RAD50: variants seen among roughly 807,000 people sequenced by gnomAD.
RAD50 encodes the protein DNA repair protein RAD50.
RAD50 carries 132 observed loss-of-function variants against 168.8 expected under a neutral mutation model. The observed-to-expected ratio is 0.78, with a 90% confidence interval of 0.68 to 0.90. The LOEUF (loss-of-function observed/expected upper bound fraction) is 0.90. Ranked by LOEUF, RAD50 falls within the 40% of genes least tolerant of loss-of-function variation. The pLI, the probability that RAD50 is intolerant of heterozygous loss-of-function variation, is 0.00. For synonymous variants in RAD50, 525 were observed against 497.4 expected, an observed-to-expected ratio of 1.06 and a Z score of -0.74; for missense variants, 1,347 against 1,534.4, an observed-to-expected ratio of 0.88 and a Z score of 2.04.
chr5:132,564,374 C>G (rs1447724516), intron 2 of RAD50, among the ~76,000 whole-genome samples: 2 of 152,204 alleles, frequency 1.3e-5, no homozygotes, highest in East Asian at 3.8e-4. Flanking sequence ...TCTTGCGATG[C>G]TTTAGCAAAG....
rs760093523 is a variant in RAD50 at position 132,591,259 on chromosome 5, T to C, written c.1488T>C (p.Asn496=). The C allele has an allele frequency of 1.2e-6, 2 of 1,612,994 alleles. No individual in the cohort carries two copies. The highest frequency in any genetic ancestry group is 8.5e-7 in the Non-Finnish European group (1 of 1,179,014). Residue 496 remains asparagine, a synonymous_variant, in exon 10 of 25, where the codon AAT becomes AAC. Coordinates refer to ENST00000378823, the MANE Select transcript of RAD50 (RefSeq NM_005732.4). ...TAAGCAAGGCTGAGAAAAACAGCAA[T>C]GTAGAAACCTTAAAAATGGAAGTAA... ...RELSKAEKNS[N]VETLKMEVIS... is the part of the protein sequence containing the mutation.
intron 11 of RAD50, chr5:132,593,232 T>C (rs1750735724): frequency 5.7e-6 from 1 of 176,690 alleles, no homozygotes; most frequent in African/African-American, 2.3e-5. Flanking sequence ...AATTTGATAC[T>C]TGTTCTTGCT....
chr5:132,579,854 C>T lies in RAD50; in HGVS notation c.552-8C>T. The stretch of plus-strand genomic sequence containing the variant: ...CAGAAATTTGATTTTTGTTTCATAT[C>T]TTCAAAGATACATTAAAGCCTTAGA... On this transcript the variant is annotated splice_region_variant and splice_polypyrimidine_tract_variant and intron_variant, in intron 4 of 24. Transcript: ENST00000378823. 1 of 1,603,514 alleles carries T rather than the reference C, an allele frequency of 6.2e-7. No homozygotes were observed. The highest frequency in any genetic ancestry group is 8.5e-7 in the Non-Finnish European group (1 of 1,170,862).
At position 132,588,685 on chromosome 5, in the gene RAD50, A is replaced by G. The variant is rs876660957; in HGVS notation, c.1052-2A>G. The G allele has an allele frequency of 6.2e-7, 1 of 1,608,584 alleles. No homozygotes were observed. Among genetic ancestry groups the G allele is most frequent in the Non-Finnish European group, 8.5e-7 (1 of 1,178,464 alleles). Reference sequence around the variant, plus strand: ...AAAATTATGAGATTTTTTTTTTAAAAGGTCGTCTACAGCTGCAAGCAGATC... The same window carrying G: ...AAAATTATGAGATTTTTTTTTTAAAGGGTCGTCTACAGCTGCAAGCAGATC... On this transcript the variant is annotated splice_acceptor_variant, in intron 7 of 24. Transcript: ENST00000378823. LOFTEE classifies it high-confidence loss of function.
At chr5:132,634,540 T>C (rs1751537375) in intron 21 of RAD50, among the ~76,000 whole-genome samples, 1 of 152,174 alleles carries the variant, frequency 6.6e-6, no homozygotes, top group African/African-American at 2.4e-5. Flanking sequence ...TCATTTCTTT[T>C]TAGGTAGGGA....
rs376109008 is a variant in RAD50, at chr5:132,637,156, A to G, written c.3431A>G (p.Asn1144Ser). ...KFHSMKMEEI[N>S]KIIRDLWRST... ...CACAGTATGAAAATGGAAGAAATCA[A>G]TAAAATTATACGTGACCTGTGGCGA... The change falls in exon 22 of 25, where the codon AAT becomes AGT. Residue 1144 changes from asparagine to serine, a missense_variant. Asn to Ser is a conservative substitution (Grantham distance 46). Coordinates refer to ENST00000378823, the MANE Select transcript of RAD50 (RefSeq NM_005732.4). The G allele has an allele frequency of 1.9e-6, 3 of 1,612,148 alleles. No homozygotes were observed. Among genetic ancestry groups the G allele is most frequent in the African/African-American group, 1.3e-5 (1 of 74,888 alleles).
At chr5:132,635,897 T>G (rs1751571477) in intron 21 of RAD50, among the ~76,000 whole-genome samples, 1 of 152,170 alleles carries the variant, frequency 6.6e-6, no homozygotes, top group South Asian at 2.1e-4. Flanking sequence ...AGGTAGAAAA[T>G]GGAGACTTGT....
chr5:132,606,676 T>G (rs897599824), intron 16 of RAD50, among the ~76,000 whole-genome samples: 3 of 152,094 alleles, frequency 2.0e-5, no homozygotes, highest in Non-Finnish European at 4.4e-5. Flanking sequence ...AAAAAGAAAA[T>G]TTCAGGCCAA....
At chr5:132,602,021 C>T (rs1345090927) in intron 13 of RAD50, among the ~76,000 whole-genome samples, 1 of 152,010 alleles carries the variant, frequency 6.6e-6, no homozygotes, top group African/African-American at 2.4e-5. Context: ...GGAGAAATAC[C>T]TAATGTAGAT....
At chr5:132,589,343 A>T (rs1253493426) in intron 8 of RAD50, among the ~76,000 whole-genome samples, 1 of 152,206 alleles carries the variant, frequency 6.6e-6, no homozygotes, top group East Asian at 1.9e-4. Flanking sequence ...TTGCCAAAGT[A>T]TTCAGTACAG....
chr5:132,590,307 T>TA (rs1279755420), intron 9 of RAD50, among the ~76,000 whole-genome samples: 1 of 152,074 alleles, frequency 6.6e-6, no homozygotes, highest in Non-Finnish European at 1.5e-5. Flanking sequence ...CCGTCTCTAC[T>TA]AAAAATACAA....
At chr5:132,573,492 A>G (rs1436471550) in intron 2 of RAD50, among the ~76,000 whole-genome samples, 1 of 152,118 alleles carries the variant, frequency 6.6e-6, no homozygotes, top group Non-Finnish European at 1.5e-5. Flanking sequence ...CCCACAACAC[A>G]TGGGGATTCA....
rs1060501936 is a variant in RAD50 at position 132,603,989 on chromosome 5, C to G, written c.2467C>G (p.Arg823Gly). The G allele has an allele frequency of 1.2e-6, 2 of 1,613,192 alleles. No individual in the cohort carries two copies. Among genetic ancestry groups the G allele is most frequent in the Non-Finnish European group, 1.7e-6 (2 of 1,179,422 alleles). Residue 823 changes from arginine (R) to glycine (G), a missense_variant, in exon 15 of 25, where the codon CGA (arginine) becomes GGA (glycine). Transcript: ENST00000378823. Reference protein sequence around the residue: ...AAKLQGIDLDRTVQQVNQEKQ... With the variant: ...AAKLQGIDLDGTVQQVNQEKQ... ...TAAGCTACAAGGAATAGACTTAGAT[C>G]GAACTGTCCAACAAGTCAACCAGGA...
At chr5:132,591,541 A>G in intron 10 of RAD50, 135 bp downstream of exon 10, 1 of 848,432 alleles carries the variant, frequency 1.2e-6, no homozygotes, top group South Asian at 1.6e-5. Context: ...TTAGTACTCT[A>G]TATAATAGAC....
chr5:132,611,700 C>T (rs549348476), intron 19 of RAD50, among the ~76,000 whole-genome samples: 119 of 127,878 alleles, frequency 9.3e-4, no homozygotes, highest in Middle Eastern at 3.7e-3. Flanking sequence ...AGCCAGACTC[C>T]GTCTTAAAAA....
intron 5 of RAD50, 47 bp downstream of exon 5, chr5:132,580,113 G>A (rs2149838091): frequency 5.6e-6 from 8 of 1,430,090 alleles, no homozygotes; most frequent in Non-Finnish European, 6.9e-6. Context: ...TATCTTTATG[G>A]TATACAGCAT....
chr5:132,602,559 A>C (rs1750906775), intron 13 of RAD50, among the ~76,000 whole-genome samples: 1 of 152,160 alleles, frequency 6.6e-6, no homozygotes, highest in African/African-American at 2.4e-5. Flanking sequence ...TTTTCCTGTA[A>C]TTTAAAAAAT....
At chr5:132,637,938 G>A (rs892100567) in intron 22 of RAD50, 143 bp from the exon 23 acceptor site, 2 of 955,568 alleles carry the variant, frequency 2.1e-6, no homozygotes, top group Non-Finnish European at 3.2e-6. Flanking sequence ...CTCCCAGCCA[G>A]AGAAAGAGTT....
chr5:132,557,136 C>A lies in RAD50; in HGVS notation c.-189C>A. The stretch of plus-strand genomic sequence containing the variant: ...AGCAGCTGGTGTGGGAGGAAAGGCT[C>A]CATCCCCCGCCCCCTCTCTCCCGCT... On this transcript the variant is annotated 5_prime_UTR_variant, in exon 1 of 25. Coordinates refer to ENST00000378823, the MANE Select transcript of RAD50 (RefSeq NM_005732.4). 1 of 804,644 alleles carries A rather than the reference C, an allele frequency of 1.2e-6. No individual in the cohort carries two copies. The highest frequency in any genetic ancestry group is 2.0e-6 in the Non-Finnish European group (1 of 499,882). 49.8% of individuals were successfully genotyped at this position (804,644 alleles called of 1,614,324 possible). A position where few individuals can be genotyped will look rare whatever the true frequency, so the allele number is the denominator to read the frequency against.
Sources: gnomAD v4.1 joint callset for allele counts (sites outside exome capture counted in the v4.1 genomes callset) on GRCh38, gnomAD v4.1.1 for gene constraint, MANE v1.5 for transcripts, NCBI Gene and HGNC (gene_info 2026-07-23, HGNC 2026-07-21) for gene names.